Variants in TBCK observed in about 807,000 individuals in gnomAD.
TBCK encodes TBC domain-containing protein kinase-like protein.
In TBCK, 99 loss-of-function variants were observed where a neutral mutation model predicts 113.4. The ratio of observed to expected loss-of-function variants is 0.87; its 90% CI spans 0.74 to 1.03. The LOEUF (loss-of-function observed/expected upper bound fraction) is 1.03. TBCK is among the 50% of genes least tolerant of loss of function. The probability of loss-of-function intolerance (pLI) is 0.00; values close to 1 mark genes in which losing one functional copy is unlikely to be tolerated. For missense variants in TBCK, 1,045 were observed against 1,061.3 expected (o/e 0.98, Z 0.21); for synonymous variants, 369 against 370.8 (o/e 1.00, Z 0.05).
chr4:106,228,994 A>C (rs1758546186), intron 19 of TBCK, among the ~76,000 whole-genome samples: 1 of 152,076 alleles, frequency 6.6e-6, no homozygotes, highest in Non-Finnish European at 1.5e-5. Flanking sequence ...TCTGATCATC[A>C]ATGATGTTGA....
chr4:106,092,885 G>A (rs1317369259), intron 25 of TBCK, among the ~76,000 whole-genome samples: 1 of 152,222 alleles, frequency 6.6e-6, no homozygotes, highest in Non-Finnish European at 1.5e-5. Context: ...AGCCAGAGTG[G>A]GTGCTGAGGC....
chr4:106,085,641 C>T (rs1560622721), intron 25 of TBCK, among the ~76,000 whole-genome samples: 1 of 152,090 alleles, frequency 6.6e-6, no homozygotes, highest in Non-Finnish European at 1.5e-5. Flanking sequence ...TCTACTCCAA[C>T]AGAATATACA....
At chr4:106,225,556 T>A (rs1284130933) in intron 19 of TBCK, among the ~76,000 whole-genome samples, 2 of 152,214 alleles carry the variant, frequency 1.3e-5, no homozygotes, top group East Asian at 3.9e-4. Context: ...ACCTCCCAGG[T>A]TCAAGTGATT....
chr4:106,157,469 C>A (rs1268640928), intron 23 of TBCK, among the ~76,000 whole-genome samples: 1 of 152,060 alleles, frequency 6.6e-6, no homozygotes. Context: ...TATTTAGAGC[C>A]CCAGAACACT....
At chr4:106,157,677 G>T (rs761997935) in intron 23 of TBCK, among the ~76,000 whole-genome samples, 1 of 152,082 alleles carries the variant, frequency 6.6e-6, no homozygotes, top group Non-Finnish European at 1.5e-5. Flanking sequence ...GGTGGGCAAG[G>T]GGTGGTATTG....
At chr4:106,234,235 T>C (rs990616123) in intron 15 of TBCK, among the ~76,000 whole-genome samples, 2 of 152,152 alleles carry the variant, frequency 1.3e-5, no homozygotes, top group Non-Finnish European at 2.9e-5. Flanking sequence ...TAATGAGAGT[T>C]GGACAACCTG....
intron 22 of TBCK, among the ~76,000 whole-genome samples, chr4:106,172,849 AT>A (rs1560759690): frequency 2.0e-5 from 3 of 152,140 alleles, no homozygotes; most frequent in Admixed American, 6.6e-5. Flanking sequence ...AGGTATCGTA[AT>A]TCTTCTTCCC....
At chr4:106,289,307 C>T (rs1384562723) in intron 3 of TBCK, among the ~76,000 whole-genome samples, 1 of 152,114 alleles carries the variant, frequency 6.6e-6, no homozygotes, top group African/African-American at 2.4e-5. Context: ...ACTGGAATTG[C>T]TGGATCATAA....
At chr4:106,241,751 A>C (rs1286410802) in intron 12 of TBCK, among the ~76,000 whole-genome samples, 1 of 152,016 alleles carries the variant, frequency 6.6e-6, no homozygotes, top group African/African-American at 2.4e-5. Context: ...AAAGAACTAA[A>C]TGTGAAACAA....
At chr4:106,233,470 T>A in intron 16 of TBCK, 118 bp downstream of exon 16, 1 of 745,602 alleles carries the variant, frequency 1.3e-6, no homozygotes, top group Non-Finnish European at 2.3e-6. Flanking sequence ...TCTAACAATA[T>A]ATGTATGCAG....
chr4:106,093,558 G>C (rs1740563908), intron 25 of TBCK, among the ~76,000 whole-genome samples: 1 of 152,144 alleles, frequency 6.6e-6, no homozygotes, highest in Non-Finnish European at 1.5e-5. Context: ...GTACTTCTGA[G>C]ACATGGATTG....
intron 22 of TBCK, among the ~76,000 whole-genome samples, chr4:106,192,906 G>C (rs1423219900): frequency 2.6e-5 from 4 of 152,098 alleles, no homozygotes; most frequent in African/African-American, 9.7e-5. Context: ...TGTCAATAAA[G>C]TACTGTGAAG....
intron 22 of TBCK, among the ~76,000 whole-genome samples, chr4:106,185,026 TTC>T (rs902593941): frequency 6.6e-6 from 1 of 152,000 alleles, no homozygotes; most frequent in African/African-American, 2.4e-5. Context: ...AGCCATCGTT[TTC>T]TCTCTTTCTT....
intron 24 of TBCK, among the ~76,000 whole-genome samples, chr4:106,097,200 C>A (rs148123931): frequency 0.013 from 1,952 of 152,246 alleles, 22 homozygotes; most frequent in Non-Finnish European, 0.021. Flanking sequence ...AATATGACGG[C>A]AACAGAGTCT....
rs577077794 is a variant in TBCK at position 106,181,710 on chromosome 4, T to C, written c.2060-10440A>G. On this transcript the variant is annotated intron_variant, in intron 22 of 25. Transcript: ENST00000394708. ...GTGGTGTTATTTCTGAGGCCTCTGT[T>C]CTGTTCTATTGGTCTATATATCTGT... Among the ~76,000 whole-genome samples the C allele has an allele frequency of 5.8e-4, 89 of 152,294 alleles. 3 individuals are homozygous for C. Among genetic ancestry groups the C allele is most frequent in the Admixed American group, 1.7e-3 (26 of 15,284 alleles).
chr4:106,290,808 T>A (rs930568843), intron 3 of TBCK, among the ~76,000 whole-genome samples: 1 of 152,162 alleles, frequency 6.6e-6, no homozygotes, highest in Non-Finnish European at 1.5e-5. Flanking sequence ...CTGCCTCCTG[T>A]CAGATCAGCA....
chr4:106,274,259 T>C (rs903043688), intron 3 of TBCK, among the ~76,000 whole-genome samples: 4 of 152,210 alleles, frequency 2.6e-5, no homozygotes, highest in South Asian at 2.1e-4. Context: ...AGTGGGATAG[T>C]AAGTGGTAGG....
At chr4:106,058,213 A>G (rs558891932) in intron 25 of TBCK, among the ~76,000 whole-genome samples, 1 of 151,892 alleles carries the variant, frequency 6.6e-6, no homozygotes, top group African/African-American at 2.4e-5. Flanking sequence ...TGATTACAAT[A>G]CCATTTGATA....
At chr4:106,187,418 T>TC (rs141219851) in intron 22 of TBCK, among the ~76,000 whole-genome samples, 28 of 151,642 alleles carry the variant, frequency 1.8e-4, no homozygotes, top group Non-Finnish European at 3.4e-4. Context: ...TTTTTTTTTT[T>TC]CCTTTTTTTC....
Sources: gnomAD v4.1 joint callset for allele counts (sites outside exome capture counted in the v4.1 genomes callset) on GRCh38, gnomAD v4.1.1 for gene constraint, MANE v1.5 for transcripts, NCBI Gene and HGNC (gene_info 2026-07-23, HGNC 2026-07-21) for gene names.